The following ABLIM2 variants were observed in gnomAD, a reference collection of about 807,000 sequenced individuals.
The protein encoded by ABLIM2 is actin-binding LIM protein 2.
ABLIM2 carries 53 observed loss-of-function variants against 97.7 expected under a neutral mutation model. The observed-to-expected ratio is 0.54, with a 90% CI of 0.44 to 0.68. The LOEUF is 0.68. Ranked by LOEUF, ABLIM2 falls within the 30% of genes least tolerant of loss-of-function variation. The probability of loss-of-function intolerance (pLI) is 0.00; values close to 1 mark genes in which losing one functional copy is unlikely to be tolerated. For synonymous variants in ABLIM2, 361 were observed against 345.8 expected (o/e 1.04, Z -0.49); for missense variants, 835 against 867.2 (o/e 0.96, Z 0.47).
intron 5 of ABLIM2, among the ~76,000 whole-genome samples, chr4:8,078,485 G>T (rs930643741): frequency 6.6e-6 from 1 of 152,196 alleles, no homozygotes; most frequent in Admixed American, 6.5e-5. Flanking sequence ...AGCCGTCTGC[G>T]GGGTCATCCC....
At chr4:8,084,363 G>A (rs938261278) in intron 4 of ABLIM2, among the ~76,000 whole-genome samples, 1 of 152,106 alleles carries the variant, frequency 6.6e-6, no homozygotes, top group Non-Finnish European at 1.5e-5. Flanking sequence ...CGGGAGCAGT[G>A]GGAGCTCCTG....
chr4:8,088,542 G>A (rs1013727461), intron 3 of ABLIM2, among the ~76,000 whole-genome samples: 17 of 152,354 alleles, frequency 1.1e-4, no homozygotes, highest in Non-Finnish European at 2.2e-4. Flanking sequence ...TAAGGTGGTG[G>A]TGAGGACCAG....
Position 8,077,654 on chromosome 4 carries a change from T to G in ABLIM2, c.649A>C (p.Lys217Gln), listed in dbSNP as rs1186546305. The change falls in exon 6 of 21, where the codon AAA becomes CAA. Residue 217 changes from lysine (K) to glutamine (Q), a missense_variant. By Grantham distance (53) the Lys-to-Gln change is moderately conservative. Coordinates refer to ENST00000447017, the MANE Select transcript of ABLIM2 (RefSeq NM_001130083.2). ...KFGIRCDSCE[K>Q]YITGRVLEAG... ...TCCAGCACGCGCCCCGTGATGTATT[T>G]CTCACAGCTGTCACAGCGGATGCCG... 1 of 1,612,568 alleles carries G rather than the reference T, an allele frequency of 6.2e-7. No individual in the cohort carries two copies.
At chr4:8,145,720 A>G (rs971286346) in intron 1 of ABLIM2, among the ~76,000 whole-genome samples, 3 of 149,460 alleles carry the variant, frequency 2.0e-5, no homozygotes, top group Admixed American at 6.8e-5. Context: ...ACCGTAGACT[A>G]AATTATCCCC....
chr4:7,969,891 G>C (rs1387483395), intron 20 of ABLIM2, among the ~76,000 whole-genome samples: 1 of 152,100 alleles, frequency 6.6e-6, no homozygotes, highest in African/African-American at 2.4e-5. Context: ...GCTGAGATCA[G>C]GGTTTCTTGG....
chr4:8,148,882 A>C lies in ABLIM2; in HGVS notation c.10+9798T>G, dbSNP rs1189136888. ...TCCCAGAGCTGCTGATGTACCAAGA[A>C]ACCTGGGCTCCGCAGGCACCCGGGA... On this transcript the variant is annotated intron_variant, in intron 1 of 20. Coordinates refer to ENST00000447017, the MANE Select transcript of ABLIM2 (RefSeq NM_001130083.2). The surrounding 1 kb of genome is among the most constrained non-coding windows in gnomAD (Gnocchi z 6.7). Among the ~76,000 whole-genome samples the C allele has an allele frequency of 1.3e-5, 2 of 152,128 alleles. No homozygotes were observed. The highest frequency in any genetic ancestry group is 2.9e-5 in the Non-Finnish European group (2 of 68,012).
Position 8,003,599 on chromosome 4 carries a change from T to G in ABLIM2, c.1618+4460A>C, listed in dbSNP as rs934896883. 2.1e-5 allele frequency among the ~76,000 whole-genome samples: 3 copies of G among 144,240 alleles called. No homozygotes were observed. Among genetic ancestry groups the G allele is most frequent in the African/African-American group, 7.8e-5 (3 of 38,638 alleles). 94.6% of individuals were successfully genotyped at this position (144,240 alleles called of 152,430 possible). On this transcript the variant is annotated intron_variant, in intron 16 of 20. Transcript: ENST00000447017. The surrounding 1 kb of genome is among the most constrained non-coding windows in gnomAD (Gnocchi z 4.2). The stretch of plus-strand genomic sequence containing the variant: ...TTTTTTTTTGGAGATGGAGTCTCGC[T>G]CTGTCGCCCAGGCTGGAGTGCAATG...
rs888509324 is a variant in ABLIM2 at position 8,046,403 on chromosome 4, T to C, written c.823-1162A>G. On this transcript the variant is annotated intron_variant, in intron 8 of 20. Transcript: ENST00000447017. The surrounding 1 kb of genome is among the most constrained non-coding windows in gnomAD (Gnocchi z 4.4). Reference sequence around the variant, plus strand: ...AGCCCTCACTCCTGGGCCACCTGCCTGGCCTTCCCCACGCCTCCTATTCAC... The same window carrying C: ...AGCCCTCACTCCTGGGCCACCTGCCCGGCCTTCCCCACGCCTCCTATTCAC... Among the ~76,000 whole-genome samples, 21 of 152,058 alleles carry C rather than the reference T, an allele frequency of 1.4e-4. No homozygotes were observed. The highest frequency in any genetic ancestry group is 4.8e-4 in the African/African-American group (20 of 41,392).
Position 8,097,145 on chromosome 4 carries a change from G to A in ABLIM2, c.292C>T (p.Leu98=). 1.9e-6 allele frequency: 3 copies of A among 1,611,606 alleles called. No individual in the cohort carries two copies. The highest frequency in any genetic ancestry group is 1.1e-5 in the South Asian group (1 of 90,482). ...CAGTCGGGGTGGTAGGTCTTGCCCA[G>A]CGCCGACACCACCTCACCCTCAATG... ...QFIEGEVVSA[L]GKTYHPDCFV... Residue 98 remains leucine, a synonymous_variant, in exon 3 of 21, where the codon CTG becomes TTG. Transcript: ENST00000447017.
intron 6 of ABLIM2, among the ~76,000 whole-genome samples, chr4:8,077,335 A>G (rs1317687895): frequency 6.6e-6 from 1 of 152,128 alleles, no homozygotes; most frequent in Non-Finnish European, 1.5e-5. Context: ...CTGAGTCCCA[A>G]TCTAGACAGC....
intron 20 of ABLIM2, among the ~76,000 whole-genome samples, chr4:7,973,424 C>A (rs1165915479): frequency 6.6e-6 from 1 of 151,622 alleles, no homozygotes; most frequent in Non-Finnish European, 1.5e-5. Flanking sequence ...TCACTTAAAT[C>A]CAGGAGGTGG....
In ABLIM2 at chr4:8,130,684, G is replaced by A. The variant is rs576549833; in HGVS notation, c.11-24047C>T. Among the ~76,000 whole-genome samples the A allele has an allele frequency of 2.0e-5, 3 of 152,256 alleles. No homozygotes were observed. The highest frequency in any genetic ancestry group is 3.9e-4 in the East Asian group (2 of 5,174). On this transcript the variant is annotated intron_variant, in intron 1 of 20. Transcript: ENST00000447017. The surrounding 1 kb of genome is among the most constrained non-coding windows in gnomAD (Gnocchi z 4.2). The stretch of plus-strand genomic sequence containing the variant: ...GAGCAGAGGGGCTTCCTGGAGGAGG[G>A]GGTATCAAAGTCCAGCTGTGAGATG...
chr4:8,053,179 G>A (rs761614343), intron 8 of ABLIM2, among the ~76,000 whole-genome samples: 4 of 152,206 alleles, frequency 2.6e-5, no homozygotes, highest in Non-Finnish European at 5.9e-5. Flanking sequence ...ACTGAGATAA[G>A]TGCAGATCTG....
intron 6 of ABLIM2, among the ~76,000 whole-genome samples, chr4:8,062,480 G>C (rs1443686195): frequency 6.7e-6 from 1 of 150,030 alleles, no homozygotes; most frequent in Admixed American, 6.7e-5. Flanking sequence ...CTGTCGCCCT[G>C]GCTGGATGGA....
At chr4:7,985,993 C>A (rs1046496191) in intron 17 of ABLIM2, among the ~76,000 whole-genome samples, 2 of 152,212 alleles carry the variant, frequency 1.3e-5, no homozygotes, top group Non-Finnish European at 2.9e-5. Flanking sequence ...GCACTATGAG[C>A]CCTGAGCCAT....
intron 8 of ABLIM2, among the ~76,000 whole-genome samples, chr4:8,053,264 C>T (rs948208843): frequency 1.6e-4 from 25 of 152,250 alleles, no homozygotes; most frequent in African/African-American, 5.5e-4. Context: ...GCCCCCTCCA[C>T]GCTTTGAGTC....
rs372741558 is a variant in ABLIM2 at position 8,071,431 on chromosome 4, A to AGGAAAACC, written c.675+6189_675+6196dup. On this transcript the variant is annotated intron_variant, in intron 6 of 20. Coordinates refer to ENST00000447017, the MANE Select transcript of ABLIM2 (RefSeq NM_001130083.2). The surrounding 1 kb of genome is among the most constrained non-coding windows in gnomAD (Gnocchi z 6.2). ...GGAGAAACTGAGGGAGAGACGGGGAAGGAAAACCCCACTGTCACCACCAAA... is the reference window on the plus strand; with the variant it reads ...GGAGAAACTGAGGGAGAGACGGGGAAGGAAAACCGGAAAACCCCACTGTCACCACCAAA... Among the ~76,000 whole-genome samples the AGGAAAACC allele has an allele frequency of 4.1e-3, 631 of 152,332 alleles. 3 individuals are homozygous for AGGAAAACC. Among genetic ancestry groups the AGGAAAACC allele is most frequent in the African/African-American group, 0.015 (614 of 41,582 alleles).
At chr4:8,143,169 G>GGC (rs1554123508) in intron 1 of ABLIM2, among the ~76,000 whole-genome samples, 21 of 148,962 alleles carry the variant, frequency 1.4e-4, no homozygotes, top group Non-Finnish European at 2.5e-4. Context: ...TGGGGGGGGG[G>GGC]GGCGTCTGCA....
chr4:8,010,817 C>A lies in ABLIM2; in HGVS notation c.1424-1715G>T, dbSNP rs1459088058. ...GACTCTCCTGTTGCCCAGACAACAGCCGTCACCCGGCAGCGGAGCCCTTGA... is the reference window on the plus strand; with the variant it reads ...GACTCTCCTGTTGCCCAGACAACAGACGTCACCCGGCAGCGGAGCCCTTGA... On this transcript the variant is annotated intron_variant, in intron 14 of 20. Transcript: ENST00000447017. The A allele has an allele frequency of 7.0e-5, 11 of 156,148 alleles. No individual in the cohort carries two copies. The Admixed American group carries it at 7.2e-4, about 10-fold the overall frequency. The allele number at this position is 156,148 out of a possible 1,614,324, so 9.7% of individuals were successfully genotyped here. A position where few individuals can be genotyped will look rare whatever the true frequency, so the allele number is the denominator to read the frequency against.
Sources: allele counts gnomAD v4.1 joint callset (sites outside exome capture counted in the v4.1 genomes callset), GRCh38; gene constraint gnomAD v4.1.1; non-coding constraint Gnocchi (gnomAD v3.1); transcripts MANE v1.5; gene names NCBI Gene and HGNC (gene_info 2026-07-23, HGNC 2026-07-21).